Variants in MBD5 observed in about 807,000 individuals in gnomAD.
MBD5 encodes the protein methyl-CpG binding domain protein 5.
A neutral mutation model predicts 117.3 loss-of-function variants in MBD5; 13 were observed. That is an observed-to-expected ratio of 0.11 (90% CI 0.07 to 0.18). MBD5 has a LOEUF of 0.18. Ranked by LOEUF, MBD5 falls within the 10% of genes least tolerant of loss-of-function variation. The pLI is 1.00. For synonymous variants in MBD5, 727 were observed against 766.4 expected (o/e 0.95, Z 0.85); for missense variants, 1,879 against 2,093.8 (o/e 0.90, Z 2.00).
intron 1 of MBD5, among the ~76,000 whole-genome samples, chr2:148,059,845 C>CA (rs953874046): frequency 0.011 from 1,160 of 105,694 alleles, 11 homozygotes; most frequent in African/African-American, 0.033. Flanking sequence ...GACTCCGTCT[C>CA]AAAAAAAAAA....
intron 13 of MBD5, among the ~76,000 whole-genome samples, chr2:148,511,259 A>T (rs2105285522): frequency 6.6e-6 from 1 of 152,340 alleles, no homozygotes; most frequent in East Asian, 1.9e-4. Context: ...CATTCTGTTG[A>T]CTTTCCACTG....
At chr2:148,497,804 C>A (rs954365810) in intron 11 of MBD5, among the ~76,000 whole-genome samples, 9 of 147,172 alleles carry the variant, frequency 6.1e-5, no homozygotes, top group Non-Finnish European at 9.0e-5. Context: ...AAAAAAAAAA[C>A]TAAAAAAGAA....
chr2:148,260,081 T>C (rs940804285), intron 3 of MBD5, among the ~76,000 whole-genome samples: 2 of 152,184 alleles, frequency 1.3e-5, no homozygotes, highest in African/African-American at 4.8e-5. Context: ...AATAAGACAA[T>C]GAAGTTTGCC....
chr2:148,424,991 C>A (rs1046226607), intron 4 of MBD5, among the ~76,000 whole-genome samples: 1 of 152,028 alleles, frequency 6.6e-6, no homozygotes, highest in African/African-American at 2.4e-5. Flanking sequence ...GAAGCAAGAG[C>A]AAACAATTTC....
At chr2:148,492,025 T>C (rs1279246996) in intron 11 of MBD5, among the ~76,000 whole-genome samples, 1 of 151,958 alleles carries the variant, frequency 6.6e-6, no homozygotes, top group Admixed American at 6.6e-5. Flanking sequence ...CTAAATGCCT[T>C]GTCTAAATAT....
In MBD5 at chr2:148,490,363, C is replaced by G; in HGVS notation, c.4731C>G (p.Ser1577Arg). The change falls in exon 11 of 14, where the codon AGC becomes AGG. Residue 1577 changes from serine (S) to arginine (R), a missense_variant. Coordinates refer to ENST00000642680, the MANE Select transcript of MBD5 (RefSeq NM_001378120.1). Reference protein sequence around the residue: ...IHYNGDFNAKSVNGCVPSPSD... With the variant: ...IHYNGDFNAKRVNGCVPSPSD... The stretch of plus-strand genomic sequence containing the variant: ...ACAATGGAGACTTTAATGCCAAAAG[C>G]GTTAATGGGTGTGTGCCTAGCCCTT... The G allele has an allele frequency of 1.2e-6, 2 of 1,614,150 alleles. No individual in the cohort carries two copies. The highest frequency in any genetic ancestry group is 1.7e-6 in the Non-Finnish European group (2 of 1,180,028).
At chr2:148,414,115 C>T (rs901976724) in intron 4 of MBD5, among the ~76,000 whole-genome samples, 3 of 151,948 alleles carry the variant, frequency 2.0e-5, no homozygotes, top group Non-Finnish European at 2.9e-5. Context: ...GTGCTATAAA[C>T]GTTTCTCTTT....
At chr2:148,386,079 G>T (rs1468877345) in intron 4 of MBD5, among the ~76,000 whole-genome samples, 8 of 151,668 alleles carry the variant, frequency 5.3e-5, no homozygotes, top group Non-Finnish European at 7.4e-5. Flanking sequence ...CCTGCACGTT[G>T]TGCACATGTC....
intron 3 of MBD5, among the ~76,000 whole-genome samples, chr2:148,282,521 C>T (rs1048323613): frequency 7.0e-6 from 1 of 142,482 alleles, no homozygotes; most frequent in Non-Finnish European, 1.6e-5. Context: ...CTCAAAAACT[C>T]ATGTTGTTCA....
At chr2:148,091,623 G>T (rs1461130718) in intron 1 of MBD5, among the ~76,000 whole-genome samples, 1 of 152,062 alleles carries the variant, frequency 6.6e-6, no homozygotes, top group African/African-American at 2.4e-5. Flanking sequence ...GAATGAAGCT[G>T]GATCCTTATC....
chr2:148,270,791 T>C (rs910318930), intron 3 of MBD5, among the ~76,000 whole-genome samples: 1 of 152,270 alleles, frequency 6.6e-6, no homozygotes, highest in African/African-American at 2.4e-5. Flanking sequence ...CCTACCTTTC[T>C]TGGATTCCTA....
intron 4 of MBD5, among the ~76,000 whole-genome samples, chr2:148,343,665 C>T (rs2105161517): frequency 6.6e-6 from 1 of 152,120 alleles, no homozygotes; most frequent in South Asian, 2.1e-4. Flanking sequence ...CTTATAGATT[C>T]TGGATATAAG....
chr2:148,456,604 G>A (rs1706892091), intron 4 of MBD5, among the ~76,000 whole-genome samples: 1 of 152,146 alleles, frequency 6.6e-6, no homozygotes, highest in Non-Finnish European at 1.5e-5. Context: ...ATAGTGAGTG[G>A]AAGATGTTAT....
At chr2:148,235,794 G>A (rs868456847) in intron 3 of MBD5, among the ~76,000 whole-genome samples, 1 of 150,994 alleles carries the variant, frequency 6.6e-6, no homozygotes, top group South Asian at 2.1e-4. Flanking sequence ...TCTAAAAAAG[G>A]GGGAGTGTTT....
At chr2:148,371,850 A>G (rs1703861047) in intron 4 of MBD5, among the ~76,000 whole-genome samples, 1 of 152,162 alleles carries the variant, frequency 6.6e-6, no homozygotes, top group Non-Finnish European at 1.5e-5. Context: ...ACTTCCTATA[A>G]AAACATCAAC....
At chr2:148,128,257 G>T (rs1460406411) in intron 1 of MBD5, among the ~76,000 whole-genome samples, 2 of 152,022 alleles carry the variant, frequency 1.3e-5, no homozygotes, top group Non-Finnish European at 2.9e-5. Context: ...GTCAATTTTT[G>T]CTTAACACAG....
chr2:148,384,752 A>T (rs552904952), intron 4 of MBD5, among the ~76,000 whole-genome samples: 3 of 152,238 alleles, frequency 2.0e-5, no homozygotes, highest in Admixed American at 2.0e-4. Context: ...TGGTACTGGT[A>T]CCAAAACAGA....
intron 8 of MBD5, among the ~76,000 whole-genome samples, chr2:148,480,075 A>G (rs1197332719): frequency 6.6e-6 from 1 of 151,936 alleles, no homozygotes. Flanking sequence ...TCATGGTTCT[A>G]TTCTATTGTC....
intron 1 of MBD5, among the ~76,000 whole-genome samples, chr2:148,084,143 TA>T (rs1404562905): frequency 2.6e-5 from 4 of 152,202 alleles, no homozygotes; most frequent in African/African-American, 9.7e-5. Context: ...GTGTAGTACT[TA>T]TTGCATTTAA....
Sources: allele counts gnomAD v4.1 joint callset (sites outside exome capture counted in the v4.1 genomes callset), GRCh38; gene constraint gnomAD v4.1.1; transcripts MANE v1.5; gene names NCBI Gene and HGNC (gene_info 2026-07-23, HGNC 2026-07-21).